Variants in KLHL2 observed in about 807,000 individuals in gnomAD.
The protein encoded by KLHL2 is kelch-like protein 2.
In KLHL2, 15 loss-of-function variants were observed where a neutral mutation model predicts 75.8. The ratio of observed to expected loss-of-function variants is 0.20; its 90% CI spans 0.13 to 0.30. The LOEUF is 0.30. KLHL2 is among the 10% of genes least tolerant of loss of function. The probability of loss-of-function intolerance (pLI) is 1.00; values close to 1 mark genes in which losing one functional copy is unlikely to be tolerated. For missense variants in KLHL2, 381 were observed against 741.0 expected, an observed-to-expected ratio of 0.51 and a Z score of 5.64; for synonymous variants, 214 against 251.9, an observed-to-expected ratio of 0.85 and a Z score of 1.42.
chr4:165,314,317 C>T, intron 13 of KLHL2, 151 bp downstream of exon 13: 1 of 659,560 alleles, frequency 1.5e-6, no homozygotes, highest in Non-Finnish European at 2.5e-6. Context: ...AAGCCAGAAA[C>T]TTATGTAATA....
chr4:165,270,623 C>G (rs186044654), intron 5 of KLHL2, among the ~76,000 whole-genome samples: 1,716 of 152,262 alleles, frequency 0.011, 26 homozygotes, highest in African/African-American at 0.037. Context: ...ACTTCAGACC[C>G]TGTTTGCCTG....
At chr4:165,281,198 G>T (rs897353967) in intron 5 of KLHL2, among the ~76,000 whole-genome samples, 2 of 151,884 alleles carry the variant, frequency 1.3e-5, no homozygotes, top group Non-Finnish European at 2.9e-5. Flanking sequence ...AGGGTACTTT[G>T]TACCTTATTA....
chr4:165,235,892 T>C (rs549262511), intron 3 of KLHL2, among the ~76,000 whole-genome samples: 2 of 152,328 alleles, frequency 1.3e-5, no homozygotes, highest in South Asian at 2.1e-4. Context: ...TTCTCAATAA[T>C]GTATTTCAAG....
At chr4:165,210,015 C>T (rs1477490956) in intron 1 of KLHL2, 1 of 1,520,204 alleles carries the variant, frequency 6.6e-7, no homozygotes, top group Admixed American at 2.2e-5. Context: ...CTTTACCGGG[C>T]CTCACTGCCA....
At position 165,313,245 on chromosome 4, in the gene KLHL2, C is replaced by T. The variant is rs759557766; in HGVS notation, c.1347C>T (p.Leu449=). ...SVGVGVVGGL[L]YAVGGYDGAS... ...ATGTGATTTTATGTGTAGGTTTGCT[C>T]TATGCTGTAGGAGGTTATGATGGAG... Residue 449 remains leucine (L), a synonymous_variant, in exon 12 of 15, where the codon CTC becomes CTT. Transcript: ENST00000226725. 1.9e-6 allele frequency: 3 copies of T among 1,610,014 alleles called. No individual in the cohort carries two copies. The highest frequency in any genetic ancestry group is 8.5e-7 in the Non-Finnish European group (1 of 1,178,422).
At chr4:165,306,325 A>G (rs1394923093) in intron 9 of KLHL2, among the ~76,000 whole-genome samples, 1 of 152,264 alleles carries the variant, frequency 6.6e-6, no homozygotes, top group African/African-American at 2.4e-5. Flanking sequence ...ATATCAGCAT[A>G]TCTGGAGTTA....
chr4:165,226,915 T>C (rs1253626506), intron 2 of KLHL2, among the ~76,000 whole-genome samples: 1 of 152,076 alleles, frequency 6.6e-6, no homozygotes, highest in Non-Finnish European at 1.5e-5. Flanking sequence ...AGCTATAAAT[T>C]TGGGGATAAA....
intron 4 of KLHL2, among the ~76,000 whole-genome samples, chr4:165,256,386 C>T (rs1741171606): frequency 6.6e-6 from 1 of 152,148 alleles, no homozygotes; most frequent in Admixed American, 6.5e-5. Context: ...GTGCTATGTC[C>T]TTCTACTTCA....
At chr4:165,293,147 G>A (rs1261852500) in intron 5 of KLHL2, among the ~76,000 whole-genome samples, 1 of 152,158 alleles carries the variant, frequency 6.6e-6, no homozygotes, top group Non-Finnish European at 1.5e-5. Context: ...CCCTTGTGAG[G>A]CAGATTTGCA....
At chr4:165,321,389 C>T (rs1194536390) in intron 14 of KLHL2, 1 of 433,830 alleles carries the variant, frequency 2.3e-6, no homozygotes, top group Non-Finnish European at 4.6e-6. Flanking sequence ...AATATAGTTC[C>T]TCTTCCTTAT....
chr4:165,315,402 CG>C (rs1434880888), intron 13 of KLHL2, among the ~76,000 whole-genome samples: 1 of 152,092 alleles, frequency 6.6e-6, no homozygotes, highest in East Asian at 1.9e-4. Flanking sequence ...AGGAAAAAGA[CG>C]TAAGTCTCTG....
chr4:165,302,116 C>T (rs1369750431), intron 8 of KLHL2, among the ~76,000 whole-genome samples: 1 of 152,148 alleles, frequency 6.6e-6, no homozygotes, highest in Non-Finnish European at 1.5e-5. Flanking sequence ...TCTGCTCTAT[C>T]AGGGTGGTGG....
At chr4:165,300,531 A>G (rs940306082) in intron 8 of KLHL2, among the ~76,000 whole-genome samples, 8 of 152,056 alleles carry the variant, frequency 5.3e-5, no homozygotes, top group Non-Finnish European at 1.2e-4. Flanking sequence ...ATATTTTCCT[A>G]TGTGAATGTT....
intron 12 of KLHL2, 137 bp from the exon 13 acceptor site, chr4:165,313,889 G>A: frequency 1.4e-6 from 1 of 711,852 alleles, no homozygotes; most frequent in Non-Finnish European, 2.2e-6. Context: ...TTCTTAAATT[G>A]TAGGCTATAG....
At chr4:165,260,952 T>C (rs1172507848) in intron 4 of KLHL2, among the ~76,000 whole-genome samples, 1 of 152,230 alleles carries the variant, frequency 6.6e-6, no homozygotes, top group Non-Finnish European at 1.5e-5. Flanking sequence ...TAAGTGAGCC[T>C]GTTTCCTGCC....
intron 3 of KLHL2, among the ~76,000 whole-genome samples, chr4:165,233,449 CT>C (rs35224449): frequency 0.45 from 68,498 of 151,388 alleles, 16,854 homozygotes; most frequent in African/African-American, 0.65. Context: ...TATTTTTAGC[CT>C]TTTTTTTGGT....
chr4:165,260,976 C>T (rs1316722906), intron 4 of KLHL2, among the ~76,000 whole-genome samples: 1 of 152,176 alleles, frequency 6.6e-6, no homozygotes, highest in Admixed American at 6.5e-5. Context: ...CCACTTTTTC[C>T]TCATCGTTCT....
In KLHL2 at chr4:165,227,560, T is replaced by G. The variant is rs1738537797; in HGVS notation, c.153-1247T>G. ...AGGAGGGTGCCAAGTGTGACCTGCA[T>G]GCACTATGCACATAGACATAAATTC... On this transcript the variant is annotated intron_variant, in intron 2 of 14. Transcript: ENST00000226725. 2.0e-5 allele frequency among the ~76,000 whole-genome samples: 3 copies of G among 152,180 alleles called. No homozygotes were observed. The South Asian group carries it at 6.2e-4, about 31-fold the overall frequency.
chr4:165,209,518 CAG>C (rs2110926782), intron 1 of KLHL2: 1 of 152,284 alleles, frequency 6.6e-6, no homozygotes, highest in South Asian at 2.1e-4. Context: ...AATAGAGACA[CAG>C]ATGATTTAAA....
Sources: gnomAD v4.1 joint callset for allele counts (sites outside exome capture counted in the v4.1 genomes callset) on GRCh38, gnomAD v4.1.1 for gene constraint, MANE v1.5 for transcripts, NCBI Gene and HGNC (gene_info 2026-07-23, HGNC 2026-07-21) for gene names.